Variants in ACOT11 observed in about 807,000 individuals in gnomAD.
ACOT11 encodes the protein acyl-CoA thioesterase 11.
Under a neutral mutation model 77.5 loss-of-function variants are expected in ACOT11, and 69 were observed. The observed-to-expected ratio is 0.89, with a 90% CI of 0.73 to 1.09. ACOT11 has a LOEUF of 1.09. Ranked by LOEUF, ACOT11 falls within the 50% of genes least tolerant of loss-of-function variation. The probability of loss-of-function intolerance (pLI) is 0.00; values close to 1 mark genes in which losing one functional copy is unlikely to be tolerated. For synonymous variants in ACOT11, 279 were observed against 313.0 expected (o/e 0.89, Z 1.15); for missense variants, 766 against 813.7 (o/e 0.94, Z 0.71).
chr1:54,614,220 G>A (rs2101017944), downstream of ACOT11, among the ~76,000 whole-genome samples: 1 of 152,300 alleles, frequency 6.6e-6, no homozygotes, highest in East Asian at 1.9e-4. Flanking sequence ...TGAGGGCTGT[G>A]AGCAGCGGTG....
At chr1:54,611,663 G>C, downstream of ACOT11, 1 of 1,614,100 alleles carries the variant, frequency 6.2e-7, no homozygotes, top group Middle Eastern at 1.6e-4. Flanking sequence ...TAGACTTGGT[G>C]GACAGCAGTG....
At chr1:54,614,863 TG>T, downstream of ACOT11, 1 of 1,612,936 alleles carries the variant, frequency 6.2e-7, no homozygotes, top group Non-Finnish European at 8.5e-7. Flanking sequence ...TTGATGCCTG[TG>T]GGGAAAGGAA....
chr1:54,631,989 G>A (rs1037693873), intron 16 of ACOT11, among the ~76,000 whole-genome samples: 4 of 152,110 alleles, frequency 2.6e-5, no homozygotes, highest in African/African-American at 9.7e-5. Flanking sequence ...GACTGAGAGT[G>A]GATAAAGGAA....
intron 1 of ACOT11, among the ~76,000 whole-genome samples, chr1:54,577,629 G>A (rs1654162586): frequency 6.6e-6 from 1 of 151,558 alleles, no homozygotes; most frequent in Non-Finnish European, 1.5e-5. Flanking sequence ...CTATGAACGT[G>A]TATGTGCATG....
intron 1 of ACOT11, among the ~76,000 whole-genome samples, chr1:54,564,893 G>A (rs1653682773): frequency 6.6e-6 from 1 of 152,178 alleles, no homozygotes; most frequent in African/African-American, 2.4e-5. Flanking sequence ...TTACAGAGAA[G>A]GGGTGTTAAG....
chr1:54,551,308 G>A (rs954250336), intron 1 of ACOT11, among the ~76,000 whole-genome samples: 6 of 152,132 alleles, frequency 3.9e-5, no homozygotes, highest in African/African-American at 1.4e-4. Flanking sequence ...GACAGAGTCA[G>A]CATTGGAGTT....
At chr1:54,552,253 C>T (rs761277578) in intron 1 of ACOT11, among the ~76,000 whole-genome samples, 3 of 152,136 alleles carry the variant, frequency 2.0e-5, no homozygotes, top group African/African-American at 7.2e-5. Context: ...GAGGACCCTA[C>T]TCTGTGTTGG....
At position 54,609,771 on chromosome 1, in the gene ACOT11, C is replaced by T. The variant is rs150570032; in HGVS notation, c.*659C>T. The T allele has an allele frequency of 1.2e-4, 186 of 1,614,128 alleles. No homozygotes were observed. In the African/African-American group the frequency reaches 1.3e-3, roughly 11 times the overall value. On this transcript the variant is annotated 3_prime_UTR_variant, in exon 16 of 16. Transcript: ENST00000343744. ...AAGGCCAGGGATGGCCGGAGGGCTG[C>T]GGGCTCCGCTATTTGCAAATGGATG...
chr1:54,567,102 G>A (rs1653759665), intron 1 of ACOT11, among the ~76,000 whole-genome samples: 1 of 151,966 alleles, frequency 6.6e-6, no homozygotes, highest in Non-Finnish European at 1.5e-5. Flanking sequence ...CTTCTCCAGT[G>A]AGCTCCAGGC....
At chr1:54,623,095 G>T (rs1424283004) in intron 15 of ACOT11, among the ~76,000 whole-genome samples, 1 of 151,762 alleles carries the variant, frequency 6.6e-6, no homozygotes, top group African/African-American at 2.4e-5. Flanking sequence ...AGAATCGCTT[G>T]AACCTGGGAG....
intron 1 of ACOT11, among the ~76,000 whole-genome samples, chr1:54,562,289 G>A (rs1298551960): frequency 7.4e-5 from 8 of 108,464 alleles, no homozygotes; most frequent in African/African-American, 2.1e-4. Context: ...CCTCCCTCCC[G>A]GACGGGGCGG....
At chr1:54,615,986 G>A in intron 15 of ACOT11, 3 of 1,607,232 alleles carry the variant, frequency 1.9e-6, no homozygotes, top group Non-Finnish European at 2.5e-6. Flanking sequence ...CCAGAGGGCT[G>A]GGGGCCGGAG....
Position 54,592,496 on chromosome 1 carries a change from C to A in ACOT11, c.312-50C>A. ...TCTGCAAGTATCTGAGGCCCCTGTT[C>A]CTCCCTCTGGCCCCTCTGGAAGGCT... On this transcript the variant is annotated intron_variant, in intron 3 of 15. Transcript: ENST00000343744. 2.6e-6 allele frequency: 4 copies of A among 1,563,486 alleles called. No individual in the cohort carries two copies. In the South Asian group the frequency reaches 3.5e-5, roughly 14 times the overall value.
At chr1:54,594,918 T>C (rs1654846231) in intron 6 of ACOT11, among the ~76,000 whole-genome samples, 2 of 152,238 alleles carry the variant, frequency 1.3e-5, no homozygotes, top group South Asian at 2.1e-4. Context: ...CGTTAGGTCA[T>C]GTGGAAATCC....
At chr1:54,580,192 C>T (rs540104276) in intron 1 of ACOT11, among the ~76,000 whole-genome samples, 174 of 152,224 alleles carry the variant, frequency 1.1e-3, no homozygotes, top group Middle Eastern at 0.01. Flanking sequence ...GGACTTGAAC[C>T]CAAGCTAGGC....
In ACOT11 at chr1:54,632,495, TG is replaced by T. The variant is rs559955779; in HGVS notation, c.1782+1613del. Among the ~76,000 whole-genome samples, 17 of 152,262 alleles carry T rather than the reference TG, an allele frequency of 1.1e-4. No homozygotes were observed. In the East Asian group the frequency reaches 1.7e-3, roughly 16 times the overall value. On this transcript the variant is annotated intron_variant, in intron 16 of 16. Coordinates refer to the ACOT11 transcript ENST00000371316. Reference sequence around the variant, plus strand: ...CAGGAGTCATTGATTCAGATTACAGTGGGGAAATCCAAATTGTTACATCTAC... The same window carrying T: ...CAGGAGTCATTGATTCAGATTACAGTGGGAAATCCAAATTGTTACATCTAC...
At chr1:54,570,067 A>G (rs1334368480) in intron 1 of ACOT11, among the ~76,000 whole-genome samples, 2 of 152,320 alleles carry the variant, frequency 1.3e-5, no homozygotes, top group African/African-American at 4.8e-5. Context: ...CTGTGTGCCC[A>G]GCATGCCTTG....
At chr1:54,561,922 C>CA (rs1436379574) in intron 1 of ACOT11, among the ~76,000 whole-genome samples, 2 of 58,746 alleles carry the variant, frequency 3.4e-5, no homozygotes, top group African/African-American at 1.3e-4. Context: ...TGACCCCCCC[C>CA]CCACCTCCCT....
chr1:54,590,521 G>T (rs1204803109), intron 3 of ACOT11, among the ~76,000 whole-genome samples: 2 of 151,732 alleles, frequency 1.3e-5, no homozygotes, highest in Non-Finnish European at 1.5e-5. Flanking sequence ...GGGGAAGGTA[G>T]AGAGAGAAGG....
Sources: gnomAD v4.1 joint callset for allele counts (sites outside exome capture counted in the v4.1 genomes callset) on GRCh38, gnomAD v4.1.1 for gene constraint, MANE v1.5 for transcripts, NCBI Gene and HGNC (gene_info 2026-07-23, HGNC 2026-07-21) for gene names.